UST: variants seen among roughly 807,000 people sequenced by gnomAD.
UST encodes the protein uronyl 2-sulfotransferase.
A neutral mutation model predicts 45.6 loss-of-function variants in UST; 21 were observed. The ratio of observed to expected loss-of-function variants is 0.46; its 90% confidence interval spans 0.33 to 0.66. The LOEUF (loss-of-function observed/expected upper bound fraction) is 0.66, where lower values mean the gene tolerates loss of function less well. Ranked by LOEUF, UST falls within the 30% of genes least tolerant of loss-of-function variation. The pLI, the probability that UST is intolerant of heterozygous loss-of-function variation, is 0.02. For synonymous variants in UST, 215 were observed against 200.6 expected (o/e 1.07, Z -0.61); for missense variants, 463 against 512.4 (o/e 0.90, Z 0.93).
chr6:148,757,840 G>T (rs1195446802), intron 1 of UST, among the ~76,000 whole-genome samples: 2 of 152,226 alleles, frequency 1.3e-5, no homozygotes, highest in African/African-American at 4.8e-5. Context: ...AGAAGCATCA[G>T]GCAGTAGGAA....
Position 148,782,093 on chromosome 6 carries a change from T to G in UST, c.247+34416T>G, listed in dbSNP as rs118067299. Among the ~76,000 whole-genome samples, 1,450 of 152,160 alleles carry G rather than the reference T, an allele frequency of 9.5e-3. 7 individuals are homozygous for G. The highest frequency in any genetic ancestry group is 0.041 in the Middle Eastern group (12 of 292). On this transcript the variant is annotated intron_variant, in intron 1 of 7. Coordinates refer to ENST00000367463, the MANE Select transcript of UST (RefSeq NM_005715.3). Reference sequence around the variant, plus strand: ...CCTTTTATTTAAGAAATACATTTCTTTTTTTTTGAAACTCAGCTCTGTCAC... The same window carrying G: ...CCTTTTATTTAAGAAATACATTTCTGTTTTTTTGAAACTCAGCTCTGTCAC...
rs138494669 is a variant in UST at position 148,936,573 on chromosome 6, CTTTTTTTTTTTT to C, written c.292-4689_292-4678del. ...GTCCCTCCCTCCTTAAAAATCAGTC[CTTTTTTTTTTTT>C]TTTTTTTTTTTTTTTTGCCATCTTT... On this transcript the variant is annotated intron_variant, in intron 2 of 7. Transcript: ENST00000367463. Among the ~76,000 whole-genome samples, 744 of 85,382 alleles carry C rather than the reference CTTTTTTTTTTTT, an allele frequency of 8.7e-3. 5 individuals are homozygous for C. Among genetic ancestry groups the C allele is most frequent in the African/African-American group, 0.026 (568 of 21,766 alleles). 56.0% of individuals were successfully genotyped at this position (85,382 alleles called of 152,430 possible).
chr6:148,837,351 A>G (rs1365872456), intron 1 of UST, among the ~76,000 whole-genome samples: 3 of 152,288 alleles, frequency 2.0e-5, no homozygotes, highest in South Asian at 4.1e-4. Flanking sequence ...CTAGTAGCAA[A>G]GAGTATCAGA....
chr6:148,964,369 C>A (rs1780736507), intron 4 of UST, 41 bp from the exon 5 acceptor site: 1 of 1,608,808 alleles, frequency 6.2e-7, no homozygotes, highest in Non-Finnish European at 8.5e-7. Context: ...CTGTTTTCGT[C>A]CTGCAGTGAT....
At chr6:148,999,316 T>G (rs1168058976) in intron 5 of UST, among the ~76,000 whole-genome samples, 2 of 152,214 alleles carry the variant, frequency 1.3e-5, no homozygotes, top group Non-Finnish European at 2.9e-5. Flanking sequence ...CAAATAAAAA[T>G]TTCATTATCT....
chr6:148,753,680 T>C (rs1479348828), intron 1 of UST, among the ~76,000 whole-genome samples: 2 of 152,336 alleles, frequency 1.3e-5, no homozygotes, highest in Non-Finnish European at 2.9e-5. Context: ...TCTGTTCTTA[T>C]GGGTATATAC....
intron 1 of UST, among the ~76,000 whole-genome samples, chr6:148,798,326 C>G (rs1045867102): frequency 1.3e-5 from 2 of 152,016 alleles, no homozygotes; most frequent in Admixed American, 1.3e-4. Flanking sequence ...TTCTGTTTCC[C>G]CATTTGCTAA....
intron 1 of UST, among the ~76,000 whole-genome samples, chr6:148,799,671 CT>C (rs1305299012): frequency 6.6e-6 from 1 of 152,122 alleles, no homozygotes; most frequent in Non-Finnish European, 1.5e-5. Context: ...CCCTTTTTCT[CT>C]TTTTTTCTTG....
At chr6:148,838,679 G>C (rs1777837074) in intron 1 of UST, among the ~76,000 whole-genome samples, 1 of 152,072 alleles carries the variant, frequency 6.6e-6, no homozygotes, top group African/African-American at 2.4e-5. Flanking sequence ...AAGATCACTT[G>C]AGACCAAGAA....
At chr6:149,010,185 G>A (rs1236275870) in intron 5 of UST, among the ~76,000 whole-genome samples, 1 of 152,044 alleles carries the variant, frequency 6.6e-6, no homozygotes, top group Non-Finnish European at 1.5e-5. Flanking sequence ...TAACTGAATT[G>A]GAATGTAACT....
intron 2 of UST, among the ~76,000 whole-genome samples, chr6:148,901,126 A>C (rs535800138): frequency 3.3e-5 from 5 of 152,352 alleles, no homozygotes; most frequent in Non-Finnish European, 7.3e-5. Context: ...TTTGGAGATG[A>C]GGACATGGGC....
chr6:149,042,955 T>TTTACTTTCTTTC (rs1776335968), intron 7 of UST, among the ~76,000 whole-genome samples: 3 of 109,076 alleles, frequency 2.8e-5, no homozygotes. Flanking sequence ...ATCACCATCC[T>TTTACTTTCTTTC]TTTCTTTCTT....
intron 1 of UST, among the ~76,000 whole-genome samples, chr6:148,767,315 A>G (rs1211904525): frequency 1.3e-5 from 2 of 152,232 alleles, no homozygotes; most frequent in Admixed American, 1.3e-4. Context: ...AGTGAGAATC[A>G]CACCCTTGTA....
chr6:148,778,089 T>C (rs1160447015), intron 1 of UST, among the ~76,000 whole-genome samples: 2 of 152,100 alleles, frequency 1.3e-5, no homozygotes, highest in African/African-American at 4.8e-5. Context: ...TCTTAAGCAA[T>C]GCATAGTGGT....
At chr6:148,947,391 T>A (rs1273880074) in intron 3 of UST, among the ~76,000 whole-genome samples, 1 of 152,132 alleles carries the variant, frequency 6.6e-6, no homozygotes, top group Non-Finnish European at 1.5e-5. Flanking sequence ...TGTATTCAGG[T>A]CCCACTGCAA....
At chr6:148,892,341 TTTGAAATTC>T (rs1779036080) in intron 2 of UST, among the ~76,000 whole-genome samples, 1 of 152,152 alleles carries the variant, frequency 6.6e-6, no homozygotes, top group Non-Finnish European at 1.5e-5. Flanking sequence ...GAATGAAAAA[TTTGAAATTC>T]TCCACTCTAG....
intron 1 of UST, among the ~76,000 whole-genome samples, chr6:148,800,774 A>ATT (rs35096958): frequency 3.4e-4 from 40 of 116,924 alleles, no homozygotes; most frequent in Admixed American, 6.6e-4. Context: ...TTCAGATCAG[A>ATT]TTTTTTTTTT....
At chr6:148,936,158 A>G (rs1427686454) in intron 2 of UST, among the ~76,000 whole-genome samples, 1 of 152,202 alleles carries the variant, frequency 6.6e-6, no homozygotes, top group Non-Finnish European at 1.5e-5. Context: ...ATGCCAAATG[A>G]TATTTCTGGG....
At chr6:148,759,476 G>A (rs1174113895) in intron 1 of UST, among the ~76,000 whole-genome samples, 7 of 145,528 alleles carry the variant, frequency 4.8e-5, no homozygotes, top group East Asian at 4.2e-4. Flanking sequence ...GCAGTGAGCC[G>A]AGATCGCACC....
Sources: allele counts gnomAD v4.1 joint callset (sites outside exome capture counted in the v4.1 genomes callset), GRCh38; gene constraint gnomAD v4.1.1; transcripts MANE v1.5; gene names NCBI Gene and HGNC (gene_info 2026-07-23, HGNC 2026-07-21).